TAFA1: variants seen among roughly 807,000 people sequenced by gnomAD.
TAFA1 encodes the protein TAFA chemokine like family member 1, also known as chemokine-like protein TAFA-1.
Under a neutral mutation model 18.5 loss-of-function variants are expected in TAFA1, and 4 were observed. The observed-to-expected ratio is 0.22, with a 90% CI of 0.11 to 0.49. The LOEUF (loss-of-function observed/expected upper bound fraction) is 0.49. Ranked by LOEUF, TAFA1 falls within the 20% of genes least tolerant of loss-of-function variation. TAFA1 has a pLI of 0.98. For missense variants in TAFA1, 147 were observed against 169.0 expected, an observed-to-expected ratio of 0.87 and a Z score of 0.72; for synonymous variants, 56 against 55.2, an observed-to-expected ratio of 1.01 and a Z score of -0.06.
intron 2 of TAFA1, among the ~76,000 whole-genome samples, chr3:68,377,211 G>C (rs2069836421): frequency 6.6e-6 from 1 of 152,144 alleles, no homozygotes; most frequent in Admixed American, 6.5e-5. Context: ...TTTGGAACTG[G>C]GTAATGGGCA....
chr3:68,167,991 A>G (rs1268169123), intron 2 of TAFA1, among the ~76,000 whole-genome samples: 1 of 152,144 alleles, frequency 6.6e-6, no homozygotes. Flanking sequence ...TAAATGTAAA[A>G]GTCACTTTCA....
chr3:68,136,951 C>T (rs1311737725), intron 2 of TAFA1, among the ~76,000 whole-genome samples: 1 of 152,120 alleles, frequency 6.6e-6, no homozygotes, highest in African/African-American at 2.4e-5. Flanking sequence ...CTGTCAGCAG[C>T]CACTCAGACC....
chr3:68,538,948 A>G, intron 4 of TAFA1, 68 bp downstream of exon 4: 1 of 1,519,276 alleles, frequency 6.6e-7, no homozygotes, highest in Non-Finnish European at 9.0e-7. Flanking sequence ...GTGCTGTGCA[A>G]ACAGCATCCA....
intron 3 of TAFA1, among the ~76,000 whole-genome samples, chr3:68,501,129 T>C (rs545597346): frequency 6.4e-4 from 85 of 133,776 alleles, no homozygotes; most frequent in African/African-American, 2.4e-3. Context: ...CACCCCAGCC[T>C]GTGTAGCAGA....
intron 2 of TAFA1, among the ~76,000 whole-genome samples, chr3:68,108,435 G>GGTGT (rs59097248): frequency 1.6e-3 from 228 of 141,216 alleles, no homozygotes; most frequent in South Asian, 2.2e-3. Context: ...TTTATTTGAA[G>GGTGT]GTGTGTGTGT....
chr3:68,415,523 T>A (rs974359333), intron 2 of TAFA1, among the ~76,000 whole-genome samples: 1 of 152,068 alleles, frequency 6.6e-6, no homozygotes, highest in Non-Finnish European at 1.5e-5. Flanking sequence ...TAGGAGTGAG[T>A]ATTCCAGAAG....
intron 3 of TAFA1, among the ~76,000 whole-genome samples, chr3:68,501,014 G>T (rs12487555): frequency 0.23 from 35,129 of 151,708 alleles, 4,322 homozygotes; most frequent in Admixed American, 0.28. Flanking sequence ...AATTAGCCAG[G>T]CATGGTGGCA....
intron 2 of TAFA1, among the ~76,000 whole-genome samples, chr3:68,402,011 G>A (rs779332849): frequency 6.6e-6 from 1 of 152,166 alleles, no homozygotes; most frequent in Non-Finnish European, 1.5e-5. Flanking sequence ...TATTTTAAAA[G>A]TGTTTCTTAT....
chr3:68,326,892 C>T (rs1009902864), intron 2 of TAFA1, among the ~76,000 whole-genome samples: 2 of 152,056 alleles, frequency 1.3e-5, no homozygotes, highest in Non-Finnish European at 1.5e-5. Flanking sequence ...ATAGAGAGTT[C>T]CAAATTCTAG....
rs571010659 is a variant in TAFA1 at position 68,544,843 on chromosome 3, A to G, written c.*340A>G. 1 of 153,452 alleles carries G rather than the reference A, an allele frequency of 6.5e-6. No homozygotes were observed. The highest frequency in any genetic ancestry group is 2.1e-4 in the South Asian group (1 of 4,840). The allele number at this position is 153,452 out of a possible 1,614,324, so 9.5% of individuals were successfully genotyped here. ...TATATATATAATATTTTGAAATATT[A>G]TCTATTCTCTTCAAGAAATGAACAG... On this transcript the variant is annotated 3_prime_UTR_variant, in exon 5 of 5. Coordinates refer to ENST00000478136, the MANE Select transcript of TAFA1 (RefSeq NM_213609.4).
chr3:68,490,126 T>C (rs1301342433), intron 3 of TAFA1, among the ~76,000 whole-genome samples: 3 of 152,248 alleles, frequency 2.0e-5, no homozygotes, highest in African/African-American at 4.8e-5. Flanking sequence ...AGATTTCCAA[T>C]ACTTATGGAC....
intron 2 of TAFA1, among the ~76,000 whole-genome samples, chr3:68,231,553 G>A (rs1032056342): frequency 6.7e-6 from 1 of 150,326 alleles, no homozygotes; most frequent in East Asian, 2.0e-4. Context: ...GTAGAGACGG[G>A]GTTTCACCTT....
rs139573659 is a variant in TAFA1 at position 68,397,080 on chromosome 3, A to G, written c.119-20200A>G. 3.5e-4 allele frequency among the ~76,000 whole-genome samples: 54 copies of G among 152,274 alleles called. No homozygotes were observed. In the East Asian group the frequency reaches 5.0e-3, roughly 14 times the overall value. ...AGACTTAAACAAAACTATGGAGGAA[A>G]AAAAGGAGAAAGGTGCTGTTTCTCT... On this transcript the variant is annotated intron_variant, in intron 2 of 4. Coordinates refer to ENST00000478136, the MANE Select transcript of TAFA1 (RefSeq NM_213609.4).
chr3:68,313,883 A>C (rs2106686729), intron 2 of TAFA1, among the ~76,000 whole-genome samples: 1 of 152,334 alleles, frequency 6.6e-6, no homozygotes, highest in South Asian at 2.1e-4. Context: ...TGTGTGTTTT[A>C]ATTTTATTTT....
chr3:68,009,317 G>A (rs1704425642), intron 2 of TAFA1, among the ~76,000 whole-genome samples: 1 of 152,202 alleles, frequency 6.6e-6, no homozygotes, highest in African/African-American at 2.4e-5. Flanking sequence ...TGTATAATAA[G>A]TAAACTTATG....
At chr3:68,102,795 C>A (rs1432459670) in intron 2 of TAFA1, among the ~76,000 whole-genome samples, 1 of 152,126 alleles carries the variant, frequency 6.6e-6, no homozygotes, top group Non-Finnish European at 1.5e-5. Context: ...TTAGACCAGG[C>A]CAACTAGCCC....
chr3:68,339,820 G>T (rs1052783286), intron 2 of TAFA1, among the ~76,000 whole-genome samples: 3 of 152,174 alleles, frequency 2.0e-5, no homozygotes, highest in Non-Finnish European at 2.9e-5. Context: ...CTAAAAGAGA[G>T]GGGTGGAGGG....
intron 3 of TAFA1, among the ~76,000 whole-genome samples, chr3:68,533,476 G>C (rs764922869): frequency 3.3e-5 from 5 of 152,094 alleles, no homozygotes; most frequent in Non-Finnish European, 7.4e-5. Flanking sequence ...ATGAGATTTG[G>C]GTGGGCACAC....
At chr3:68,071,603 T>C (rs1228661095) in intron 2 of TAFA1, among the ~76,000 whole-genome samples, 1 of 152,214 alleles carries the variant, frequency 6.6e-6, no homozygotes, top group Non-Finnish European at 1.5e-5. Flanking sequence ...TGCCACTTGC[T>C]AGTTGTGCCA....
Sources: gnomAD v4.1 joint callset for allele counts (sites outside exome capture counted in the v4.1 genomes callset) on GRCh38, gnomAD v4.1.1 for gene constraint, MANE v1.5 for transcripts, NCBI Gene and HGNC (gene_info 2026-07-23, HGNC 2026-07-21) for gene names.